CEP170: variants seen among roughly 807,000 people sequenced by gnomAD.
CEP170 encodes the protein centrosomal protein 170, also known as centrosomal protein of 170 kDa.
CEP170 carries 21 observed loss-of-function variants against 151.9 expected under a neutral mutation model. That is an observed-to-expected ratio of 0.14 (90% CI 0.10 to 0.20). CEP170 has a LOEUF of 0.20. Among genes scored for constraint, CEP170 ranks in the 10% least tolerant of loss-of-function variants. The pLI is 1.00. For synonymous variants in CEP170, 356 were observed against 648.8 expected (o/e 0.55, Z 6.86); for missense variants, 964 against 1,892.9 (o/e 0.51, Z 9.11).
intron 10 of CEP170, among the ~76,000 whole-genome samples, chr1:243,183,809 T>C (rs878986702): frequency 2.0e-5 from 3 of 152,178 alleles, no homozygotes; most frequent in Non-Finnish European, 4.4e-5. Context: ...GGTTTCTCTA[T>C]CCACAGTGTG....
intron 1 of CEP170, among the ~76,000 whole-genome samples, chr1:243,232,953 G>C (rs1489699626): frequency 6.6e-6 from 1 of 152,180 alleles, no homozygotes; most frequent in Non-Finnish European, 1.5e-5. Context: ...TGAATGAGTA[G>C]CTTTGGAGCT....
chr1:243,221,394 C>G (rs1033656547), intron 3 of CEP170, among the ~76,000 whole-genome samples: 1 of 152,186 alleles, frequency 6.6e-6, no homozygotes, highest in African/African-American at 2.4e-5. Context: ...TGCATTCTCA[C>G]TGCCATGACT....
At chr1:243,245,091 T>G (rs1325950120) in intron 1 of CEP170, among the ~76,000 whole-genome samples, 2 of 152,154 alleles carry the variant, frequency 1.3e-5, no homozygotes, top group African/African-American at 2.4e-5. Context: ...ACAACAGAAG[T>G]ATGGTGATCC....
intron 10 of CEP170, among the ~76,000 whole-genome samples, chr1:243,173,735 C>CAAAA (rs199827738): frequency 1.4e-5 from 1 of 72,734 alleles, no homozygotes; most frequent in African/African-American, 4.4e-5. Context: ...GACCCTGTTT[C>CAAAA]AAAAAAAAAA....
At chr1:243,162,078 C>T (rs1485024119) in intron 13 of CEP170, among the ~76,000 whole-genome samples, 1 of 152,168 alleles carries the variant, frequency 6.6e-6, no homozygotes, top group Non-Finnish European at 1.5e-5. Context: ...TATGGCTTTA[C>T]ACTCATAAGG....
At chr1:243,133,621 A>T (rs1261588314) in intron 17 of CEP170, among the ~76,000 whole-genome samples, 1 of 151,996 alleles carries the variant, frequency 6.6e-6, no homozygotes, top group Non-Finnish European at 1.5e-5. Flanking sequence ...TAAGCTTAAA[A>T]TTTTTTTCCC....
intron 1 of CEP170, among the ~76,000 whole-genome samples, chr1:243,232,552 A>C (rs903122858): frequency 1.3e-5 from 2 of 152,188 alleles, no homozygotes; most frequent in Non-Finnish European, 2.9e-5. Context: ...TACTGTAACG[A>C]TATGATTACA....
chr1:243,242,224 C>CT (rs2064917552), intron 1 of CEP170, among the ~76,000 whole-genome samples: 1 of 152,008 alleles, frequency 6.6e-6, no homozygotes, highest in Non-Finnish European at 1.5e-5. Flanking sequence ...GAGTTATGTT[C>CT]TTTTTTCTTT....
rs768169488 is a variant in CEP170 at position 243,165,190 on chromosome 1, T to C, written c.2770A>G (p.Asn924Asp). ...TDEGPDTPSYNRDNSISPESD... is the reference protein window; with the variant it reads ...TDEGPDTPSYDRDNSISPESD... Reference sequence around the variant, plus strand: ...TCTGGTGAAATAGAATTGTCTCTATTATAACTGGGAGTATCTGGTCCTTCA... The same window carrying C: ...TCTGGTGAAATAGAATTGTCTCTATCATAACTGGGAGTATCTGGTCCTTCA... Residue 924 changes from asparagine to aspartate, a missense_variant, in exon 13 of 20, where the codon AAT becomes GAT. Transcript: ENST00000366542. 4 of 1,613,718 alleles carry C rather than the reference T, an allele frequency of 2.5e-6. No homozygotes were observed.
intron 1 of CEP170, chr1:243,253,016 ATTTTAT>A (rs1553274610): frequency 6.6e-6 from 1 of 152,184 alleles, no homozygotes; most frequent in Non-Finnish European, 1.5e-5. Flanking sequence ...TTATGCGGAA[ATTTTAT>A]TTTTAACACA....
intron 3 of CEP170, among the ~76,000 whole-genome samples, chr1:243,217,807 C>G (rs955660057): frequency 6.6e-6 from 1 of 152,114 alleles, no homozygotes; most frequent in South Asian, 2.1e-4. Flanking sequence ...AGGTAGAGAC[C>G]TGGTGGTGAG....
chr1:243,128,752 A>C (rs1299472262), intron 18 of CEP170: 2 of 153,736 alleles, frequency 1.3e-5, no homozygotes, highest in Non-Finnish European at 2.9e-5. Flanking sequence ...TTTTTAGTAA[A>C]GACAGAGTTT....
chr1:243,223,762 G>A (rs2063008702), intron 2 of CEP170, among the ~76,000 whole-genome samples: 1 of 152,128 alleles, frequency 6.6e-6, no homozygotes, highest in Non-Finnish European at 1.5e-5. Flanking sequence ...AACAATTCAA[G>A]AAGAGTAGTC....
chr1:243,179,128 C>G (rs1475901208), intron 10 of CEP170, among the ~76,000 whole-genome samples: 2 of 152,184 alleles, frequency 1.3e-5, no homozygotes, highest in Non-Finnish European at 2.9e-5. Context: ...AGAAGTCTTA[C>G]ATCCATAATC....
At chr1:243,221,615 C>T (rs755361751) in intron 3 of CEP170, 109 bp downstream of exon 3, 17 of 1,101,594 alleles carry the variant, frequency 1.5e-5, no homozygotes, top group Non-Finnish European at 2.1e-5. Context: ...TTGAAAATAA[C>T]ATACAAAGTA....
chr1:243,159,803 T>TGTGTGTGTGTGTGTGTGTGTG (rs1558452605), intron 13 of CEP170, among the ~76,000 whole-genome samples: 16 of 51,760 alleles, frequency 3.1e-4, no homozygotes, highest in South Asian at 9.2e-4. Context: ...GTGTGTGTGT[T>TGTGTGTGTGTGTGTGTGTGTG]TTTGAGATGG....
At chr1:243,146,791 A>G (rs1046907575) in intron 14 of CEP170, among the ~76,000 whole-genome samples, 16 of 152,234 alleles carry the variant, frequency 1.1e-4, no homozygotes, top group African/African-American at 3.9e-4. Context: ...AGAGGCGGTA[A>G]GAAGTCAAGT....
chr1:243,155,981 G>T (rs191518562), intron 14 of CEP170, among the ~76,000 whole-genome samples: 84 of 152,046 alleles, frequency 5.5e-4, no homozygotes, highest in Non-Finnish European at 6.5e-4. Flanking sequence ...AAAAAGGGAG[G>T]GGGGGAGACA....
chr1:243,158,794 G>A (rs1161296761), intron 13 of CEP170, among the ~76,000 whole-genome samples: 2 of 152,104 alleles, frequency 1.3e-5, no homozygotes, highest in Admixed American at 6.5e-5. Flanking sequence ...GCCGGGCACA[G>A]TGGCTAACTA....
Sources: gnomAD v4.1 joint callset for allele counts (sites outside exome capture counted in the v4.1 genomes callset) on GRCh38, gnomAD v4.1.1 for gene constraint, MANE v1.5 for transcripts, NCBI Gene and HGNC (gene_info 2026-07-23, HGNC 2026-07-21) for gene names.